The following PPM1H variants were observed in gnomAD, a reference collection of about 807,000 sequenced individuals.
The protein encoded by PPM1H is protein phosphatase, Mg2+/Mn2+ dependent 1H.
A neutral mutation model predicts 54.9 loss-of-function variants in PPM1H; 27 were observed. The observed-to-expected ratio is 0.49, with a 90% CI of 0.36 to 0.68. The LOEUF (loss-of-function observed/expected upper bound fraction) is 0.68. Among genes scored for constraint, PPM1H ranks in the 30% least tolerant of loss-of-function variants. PPM1H has a pLI of 0.00. For synonymous variants in PPM1H, 305 were observed against 270.8 expected (o/e 1.13, Z -1.24); for missense variants, 596 against 667.8 (o/e 0.89, Z 1.19).
intron 9 of PPM1H, among the ~76,000 whole-genome samples, chr12:62,651,914 C>A (rs967344774): frequency 6.6e-6 from 1 of 152,192 alleles, no homozygotes; most frequent in Non-Finnish European, 1.5e-5. Context: ...CTTTCTGGGG[C>A]TCCCATGCCA....
In PPM1H at chr12:62,844,876, A is replaced by G. The variant is rs1868901301; in HGVS notation, c.246-12597T>C. Among the ~76,000 whole-genome samples the G allele has an allele frequency of 6.6e-6, 1 of 152,206 alleles. No homozygotes were observed. Among genetic ancestry groups the G allele is most frequent in the African/African-American group, 2.4e-5 (1 of 41,460 alleles). On this transcript the variant is annotated intron_variant, in intron 1 of 9. Coordinates refer to ENST00000228705, the MANE Select transcript of PPM1H (RefSeq NM_020700.2). The surrounding 1 kb of genome is among the most constrained non-coding windows in gnomAD (Gnocchi z 5.2). ...AATATTTGGAGTTTCTCCTCATTTG[A>G]TTTCTGCATTCCATAGAAAAAAATT...
At chr12:62,730,069 C>T (rs1160393681) in intron 5 of PPM1H, among the ~76,000 whole-genome samples, 2 of 152,126 alleles carry the variant, frequency 1.3e-5, no homozygotes, top group Non-Finnish European at 2.9e-5. Flanking sequence ...CCCCACTCTG[C>T]CCGCCAGAGA....
At chr12:62,655,909 T>G (rs770606242) in intron 9 of PPM1H, among the ~76,000 whole-genome samples, 1 of 152,238 alleles carries the variant, frequency 6.6e-6, no homozygotes, top group Non-Finnish European at 1.5e-5. Flanking sequence ...TCAGCAAAGC[T>G]CTGCTGAAAG....
intron 4 of PPM1H, among the ~76,000 whole-genome samples, chr12:62,764,170 G>T (rs1314146886): frequency 7.2e-6 from 1 of 139,628 alleles, no homozygotes; most frequent in Non-Finnish European, 1.5e-5. Context: ...ATAGTGAAAT[G>T]AGAACAAATG....
At chr12:62,800,242 C>T (rs977526799) in intron 3 of PPM1H, among the ~76,000 whole-genome samples, 10 of 152,184 alleles carry the variant, frequency 6.6e-5, no homozygotes, top group Non-Finnish European at 1.3e-4. Flanking sequence ...GGAACATGCA[C>T]CATGTGCCTA....
chr12:62,880,219 C>T (rs1870341022), intron 1 of PPM1H, among the ~76,000 whole-genome samples: 2 of 152,182 alleles, frequency 1.3e-5, no homozygotes, highest in Admixed American at 6.5e-5. Context: ...AGAAAACAGA[C>T]ATCTTCCCAA....
intron 4 of PPM1H, among the ~76,000 whole-genome samples, chr12:62,740,921 A>G (rs1411527453): frequency 6.6e-6 from 1 of 152,240 alleles, no homozygotes; most frequent in Non-Finnish European, 1.5e-5. Flanking sequence ...ATGGATAAAT[A>G]GCTCCAACAA....
chr12:62,740,558 C>T (rs982275564), intron 4 of PPM1H, among the ~76,000 whole-genome samples: 3 of 152,170 alleles, frequency 2.0e-5, no homozygotes, highest in African/African-American at 7.2e-5. Context: ...ATACGTGTTC[C>T]CTTAGCCTGG....
intron 1 of PPM1H, among the ~76,000 whole-genome samples, chr12:62,895,584 G>A (rs1870959340): frequency 6.6e-6 from 1 of 152,196 alleles, no homozygotes; most frequent in Non-Finnish European, 1.5e-5. Context: ...AATGTTGAAT[G>A]TGGGGCATGG....
chr12:62,838,176 A>G (rs1868561888), intron 1 of PPM1H, among the ~76,000 whole-genome samples: 1 of 152,202 alleles, frequency 6.6e-6, no homozygotes, highest in Admixed American at 6.5e-5. Context: ...GAAATATCAA[A>G]GCCTTGACAG....
At chr12:62,840,381 C>T (rs1250372324) in intron 1 of PPM1H, among the ~76,000 whole-genome samples, 4 of 152,088 alleles carry the variant, frequency 2.6e-5, no homozygotes, top group African/African-American at 2.4e-5. Flanking sequence ...ATCACACTGG[C>T]GGTGAGGATT....
At chr12:62,867,691 C>A (rs1429689851) in intron 1 of PPM1H, among the ~76,000 whole-genome samples, 2 of 149,202 alleles carry the variant, frequency 1.3e-5, no homozygotes, top group African/African-American at 2.5e-5. Context: ...CATTCTCCTG[C>A]CTCAGCCTCC....
intron 1 of PPM1H, among the ~76,000 whole-genome samples, chr12:62,902,989 C>CT (rs1255711743): frequency 1.3e-5 from 2 of 152,088 alleles, no homozygotes; most frequent in African/African-American, 4.8e-5. Flanking sequence ...TTGATCACTG[C>CT]TTTTTTACAA....
At chr12:62,702,699 C>T (rs2076151264) in intron 6 of PPM1H, among the ~76,000 whole-genome samples, 1 of 152,318 alleles carries the variant, frequency 6.6e-6, no homozygotes, top group Non-Finnish European at 1.5e-5. Context: ...ATTATGCTCC[C>T]TTCGGGGACA....
intron 5 of PPM1H, among the ~76,000 whole-genome samples, chr12:62,729,795 CGTGCT>C (rs796883190): frequency 5.3e-5 from 8 of 152,296 alleles, no homozygotes; most frequent in African/African-American, 1.9e-4. Context: ...GCTCATTCTC[CGTGCT>C]GTATGTTAAT....
chr12:62,924,800 G>A (rs1358516245), intron 1 of PPM1H, among the ~76,000 whole-genome samples: 1 of 152,198 alleles, frequency 6.6e-6, no homozygotes, highest in East Asian at 1.9e-4. Flanking sequence ...CCAGCGCTTT[G>A]GGAGGCAAAG....
chr12:62,895,061 T>C (rs781318110), intron 1 of PPM1H, among the ~76,000 whole-genome samples: 1 of 152,220 alleles, frequency 6.6e-6, no homozygotes, highest in Admixed American at 6.5e-5. Context: ...GCACAGGATC[T>C]GAAGAAGGAA....
intron 1 of PPM1H, among the ~76,000 whole-genome samples, chr12:62,838,457 C>T (rs1473863619): frequency 6.6e-6 from 1 of 152,032 alleles, no homozygotes; most frequent in African/African-American, 2.4e-5. Context: ...TGGTTACTGG[C>T]CACACAGATG....
rs1354446731 is a variant in PPM1H at position 62,748,612 on chromosome 12, G to A, written c.870-11026C>T. Among the ~76,000 whole-genome samples, 4 of 152,084 alleles carry A rather than the reference G, an allele frequency of 2.6e-5. 1 individual carries two copies. The highest frequency in any genetic ancestry group is 9.7e-5 in the African/African-American group (4 of 41,380). The stretch of plus-strand genomic sequence containing the variant: ...ATCATCTACCCTTTCTGGGTTGTTA[G>A]GTTCTGACAGTTAACCTGAAAGGCT... On this transcript the variant is annotated intron_variant, in intron 4 of 9. Transcript: ENST00000228705.
Sources: allele counts gnomAD v4.1 joint callset (sites outside exome capture counted in the v4.1 genomes callset), GRCh38; gene constraint gnomAD v4.1.1; non-coding constraint Gnocchi (gnomAD v3.1); transcripts MANE v1.5; gene names NCBI Gene and HGNC (gene_info 2026-07-23, HGNC 2026-07-21).